The following C1D variants were observed in gnomAD, a reference collection of about 807,000 sequenced individuals.
C1D encodes nuclear nucleic acid-binding protein C1D.
A neutral mutation model predicts 17.5 loss-of-function variants in C1D; 10 were observed. That is an observed-to-expected ratio of 0.57 (90% CI 0.35 to 0.97). C1D has a LOEUF of 0.97. C1D is among the 50% of genes least tolerant of loss of function. The pLI is 0.01. For missense variants in C1D, 136 were observed against 160.1 expected (o/e 0.85, Z 0.81); for synonymous variants, 49 against 54.0 (o/e 0.91, Z 0.40).
intron 1 of C1D, among the ~76,000 whole-genome samples, chr2:68,047,747 A>G (rs1328416829): frequency 1.3e-5 from 2 of 152,182 alleles, no homozygotes; most frequent in African/African-American, 4.8e-5. Flanking sequence ...TTGTATTTTT[A>G]CAGAACTTTT....
rs142398518 is a variant in C1D, at chr2:68,054,969, CT to C, written c.-9-7651del. 1.1e-3 allele frequency among the ~76,000 whole-genome samples: 143 copies of C among 131,174 alleles called. 2 individuals carry two copies. Among genetic ancestry groups the C allele is most frequent in the African/African-American group, 4.2e-3 (129 of 30,616 alleles). The allele number at this position is 131,174 out of a possible 152,430, so 86.1% of individuals were successfully genotyped here. A position where few individuals can be genotyped will look rare whatever the true frequency, so the allele number is the denominator to read the frequency against. ...CAACAGAGCAAGGCCCACATCCTTT[CT>C]TTTTTTTTTAAAAAAAAAAAAAAGA... On this transcript the variant is annotated intron_variant, in intron 1 of 4. Transcript: ENST00000410067.
chr2:68,045,686 T>TAA lies in C1D; in HGVS notation c.261+300_261+301dup, dbSNP rs143654299. ...TACTTTTAAGAACTGTACAGAAGTT[T>TAA]AAAAAAAAAAGTAGTTCTAGAGATA... On this transcript the variant is annotated intron_variant, in intron 4 of 4. Transcript: ENST00000410067. 4.0e-5 allele frequency among the ~76,000 whole-genome samples: 6 copies of TAA among 148,834 alleles called. No individual in the cohort carries two copies. In the East Asian group the frequency reaches 7.8e-4, roughly 19 times the overall value.
At chr2:68,049,497 A>G (rs1418536271) in intron 1 of C1D, among the ~76,000 whole-genome samples, 1 of 152,216 alleles carries the variant, frequency 6.6e-6, no homozygotes, top group East Asian at 1.9e-4. Context: ...TCTTGGGAAG[A>G]TATCAACTAC....
In C1D at chr2:68,059,380, A is replaced by G. The variant is rs1002270668; in HGVS notation, c.-10+3578T>C. Among the ~76,000 whole-genome samples the G allele has an allele frequency of 2.6e-5, 4 of 152,308 alleles. No individual in the cohort carries two copies. The South Asian group carries it at 6.2e-4, about 24-fold the overall frequency. ...CCCAAATCATATCAACCTCCTCTTCATAACAGTCTCCATTTTCTTGGCCTA... is the reference window on the plus strand; with the variant it reads ...CCCAAATCATATCAACCTCCTCTTCGTAACAGTCTCCATTTTCTTGGCCTA... On this transcript the variant is annotated intron_variant, in intron 1 of 4. Transcript: ENST00000410067.
intron 1 of C1D, among the ~76,000 whole-genome samples, chr2:68,049,281 A>C (rs1572882166): frequency 6.6e-6 from 1 of 152,108 alleles, no homozygotes; most frequent in Non-Finnish European, 1.5e-5. Flanking sequence ...GAGAATAAGA[A>C]TTTAGAAATA....
chr2:68,045,494 T>C (rs1671093903), intron 4 of C1D, among the ~76,000 whole-genome samples: 1 of 152,150 alleles, frequency 6.6e-6, no homozygotes, highest in Non-Finnish European at 1.5e-5. Flanking sequence ...GTTGTAAATA[T>C]GTCTAATGCA....
intron 4 of C1D, among the ~76,000 whole-genome samples, chr2:68,045,332 TA>T (rs1161972102): frequency 6.6e-6 from 1 of 152,200 alleles, no homozygotes; most frequent in East Asian, 1.9e-4. Context: ...GTCAAGAAGG[TA>T]ACCATAAGTT....
chr2:68,053,013 T>TGC, intron 1 of C1D: 1 of 1,542,048 alleles, frequency 6.5e-7, no homozygotes, highest in Non-Finnish European at 8.7e-7. Context: ...TTAAAGAACA[T>TGC]GCCTAAAGTT....
chr2:68,041,136 CAT>C lies in C1D; in HGVS notation c.*1751_*1752del, dbSNP rs1338437484. ...AATAAGCAACCCAATGCACTACAGCCATTCAGCTCCTTATTACGTGCTAAGTA... is the reference window on the plus strand; with the variant it reads ...AATAAGCAACCCAATGCACTACAGCCTCAGCTCCTTATTACGTGCTAAGTA... On this transcript the variant is annotated 3_prime_UTR_variant, in exon 5 of 5. Coordinates refer to ENST00000410067, the MANE Select transcript of C1D (RefSeq NM_173177.3). 6.6e-6 allele frequency: 1 copy of C among 151,918 alleles called. No homozygotes were observed. Among genetic ancestry groups the C allele is most frequent in the Non-Finnish European group, 1.5e-5 (1 of 67,850 alleles). 9.4% of individuals were successfully genotyped at this position (151,918 alleles called of 1,614,324 possible).
chr2:68,053,822 C>A (rs1671354321), intron 1 of C1D, among the ~76,000 whole-genome samples: 1 of 152,204 alleles, frequency 6.6e-6, no homozygotes, highest in South Asian at 2.1e-4. Flanking sequence ...CTGTGTGATT[C>A]TCTAAGCCTG....
intron 1 of C1D, among the ~76,000 whole-genome samples, chr2:68,052,208 T>A (rs1671305952): frequency 6.6e-6 from 1 of 151,276 alleles, no homozygotes; most frequent in Non-Finnish European, 1.5e-5. Flanking sequence ...ATTTGGTTTT[T>A]AAAAAAAAAT....
chr2:68,061,981 A>T (rs1430336167), intron 1 of C1D, among the ~76,000 whole-genome samples: 2 of 152,186 alleles, frequency 1.3e-5, no homozygotes, highest in Non-Finnish European at 2.9e-5. Context: ...CCAAACACAA[A>T]CATTTCTCTG....
chr2:68,045,403 A>C (rs1671091030), intron 4 of C1D, among the ~76,000 whole-genome samples: 1 of 152,186 alleles, frequency 6.6e-6, no homozygotes, highest in Non-Finnish European at 1.5e-5. Context: ...AGTCAGCAAA[A>C]ACTCCAAGAT....
intron 1 of C1D, among the ~76,000 whole-genome samples, chr2:68,059,296 T>C (rs763050311): frequency 5.3e-5 from 8 of 152,208 alleles, no homozygotes; most frequent in Non-Finnish European, 1.2e-4. Context: ...TATCTCCCAC[T>C]AGGCCTACCT....
chr2:68,062,761 A>C (rs1671672923), intron 1 of C1D, among the ~76,000 whole-genome samples, 197 bp downstream of exon 1: 2 of 152,250 alleles, frequency 1.3e-5, no homozygotes, highest in South Asian at 4.1e-4. Context: ...AAGCAGCCCC[A>C]AAACAAGCGG....
chr2:68,060,024 C>T (rs1246199412), intron 1 of C1D, among the ~76,000 whole-genome samples: 1 of 152,136 alleles, frequency 6.6e-6, no homozygotes, highest in East Asian at 1.9e-4. Context: ...AACTGAACTC[C>T]GAATCTTCCC....
At position 68,053,177 on chromosome 2, in the gene C1D, T is replaced by C. The variant is rs1025034726; in HGVS notation, c.-9-5858A>G. 5 of 1,550,294 alleles carry C rather than the reference T, an allele frequency of 3.2e-6. No individual in the cohort carries two copies. In the East Asian group the frequency reaches 7.3e-5, roughly 23 times the overall value. The stretch of plus-strand genomic sequence containing the variant: ...ACAGACGGAGAGGGCATGAGAAAAC[T>C]TGCTTCTCTTCACCACTCAGTAAGG... On this transcript the variant is annotated intron_variant, in intron 1 of 4. Transcript: ENST00000410067.
chr2:68,045,773 G>A (rs371044601), intron 4 of C1D, among the ~76,000 whole-genome samples: 7 of 151,542 alleles, frequency 4.6e-5, no homozygotes, highest in African/African-American at 1.5e-4. Flanking sequence ...TACTAGAATC[G>A]TAACATTTTC....
At chr2:68,050,735 G>C (rs939502393) in intron 1 of C1D, among the ~76,000 whole-genome samples, 3 of 152,146 alleles carry the variant, frequency 2.0e-5, no homozygotes, top group African/African-American at 7.2e-5. Flanking sequence ...TTAGTAAACT[G>C]AAGACTCCAA....
Sources: allele counts gnomAD v4.1 joint callset (sites outside exome capture counted in the v4.1 genomes callset), GRCh38; gene constraint gnomAD v4.1.1; transcripts MANE v1.5; gene names NCBI Gene and HGNC (gene_info 2026-07-23, HGNC 2026-07-21).